NTM: variants seen among roughly 807,000 people sequenced by gnomAD.
The protein encoded by NTM is neurotrimin.
A neutral mutation model predicts 42.1 loss-of-function variants in NTM; 13 were observed. The observed-to-expected ratio is 0.31, with a 90% CI of 0.20 to 0.49. The LOEUF (loss-of-function observed/expected upper bound fraction) is 0.49. Among genes scored for constraint, NTM ranks in the 20% least tolerant of loss-of-function variants. NTM has a pLI of 0.99. For missense variants in NTM, 373 were observed against 452.8 expected (o/e 0.82, Z 1.60); for synonymous variants, 187 against 179.2 (o/e 1.04, Z -0.35).
chr11:131,485,325 T>A (rs1462079851), intron 1 of NTM, among the ~76,000 whole-genome samples: 1 of 152,128 alleles, frequency 6.6e-6, no homozygotes, highest in Non-Finnish European at 1.5e-5. Flanking sequence ...AAATTTGGGA[T>A]CAGTTCCAAG....
intron 1 of NTM, among the ~76,000 whole-genome samples, chr11:131,789,923 T>C (rs1228304959): frequency 2.3e-3 from 265 of 116,072 alleles, no homozygotes; most frequent in Admixed American, 4.0e-3. Flanking sequence ...GCCACTGCAC[T>C]CCAGCCTGGG....
At chr11:131,468,149 T>C (rs1349461336) in intron 1 of NTM, among the ~76,000 whole-genome samples, 2 of 152,208 alleles carry the variant, frequency 1.3e-5, no homozygotes, top group African/African-American at 2.4e-5. Context: ...GTGCACAGCC[T>C]GCCCACTCGC....
intron 1 of NTM, among the ~76,000 whole-genome samples, chr11:131,838,104 T>G (rs1007475740): frequency 6.6e-6 from 1 of 152,072 alleles, no homozygotes; most frequent in Non-Finnish European, 1.5e-5. Flanking sequence ...AGAGATTGGA[T>G]TTTTTTCACA....
chr11:131,524,988 G>A (rs1304349977), intron 1 of NTM, among the ~76,000 whole-genome samples: 1 of 152,154 alleles, frequency 6.6e-6, no homozygotes, highest in African/African-American at 2.4e-5. Flanking sequence ...ACCTGGTACA[G>A]GGGATGCCTG....
chr11:132,078,314 C>G (rs1042591986), intron 2 of NTM, among the ~76,000 whole-genome samples: 8 of 152,222 alleles, frequency 5.3e-5, no homozygotes, highest in Non-Finnish European at 8.8e-5. Flanking sequence ...CTTCGAACCT[C>G]AGCAAATTGG....
chr11:131,964,084 G>T (rs921217744), intron 2 of NTM, among the ~76,000 whole-genome samples: 3 of 152,176 alleles, frequency 2.0e-5, no homozygotes, highest in Non-Finnish European at 2.9e-5. Context: ...CATCTAGGAG[G>T]AGTTTCTAAG....
intron 1 of NTM, among the ~76,000 whole-genome samples, chr11:131,449,681 G>A (rs571935437): frequency 6.6e-6 from 1 of 152,136 alleles, no homozygotes; most frequent in Non-Finnish European, 1.5e-5. Context: ...CCACCAGCTG[G>A]CCCTTCAGAG....
In NTM at chr11:131,712,613, AT is replaced by A. The variant is rs552963623; in HGVS notation, c.83-198938del. Among the ~76,000 whole-genome samples the A allele has an allele frequency of 4.1e-3, 591 of 145,868 alleles. 2 individuals carry two copies. Among genetic ancestry groups the A allele is most frequent in the African/African-American group, 9.5e-3 (380 of 40,186 alleles). On this transcript the variant is annotated intron_variant, in intron 1 of 8. Transcript: ENST00000683400. ...TACATTTTACTCATAGAGACAAGTGATTTTTTTTTTTTTAAGACAGGATCTC... is the reference window on the plus strand; with the variant it reads ...TACATTTTACTCATAGAGACAAGTGATTTTTTTTTTTTAAGACAGGATCTC...
intron 2 of NTM, among the ~76,000 whole-genome samples, chr11:132,019,544 CTT>C (rs1287513851): frequency 6.6e-6 from 1 of 151,928 alleles, no homozygotes; most frequent in African/African-American, 2.4e-5. Context: ...TATATGAACT[CTT>C]TTATCATACT....
chr11:132,057,612 C>T (rs1367266588), intron 2 of NTM, among the ~76,000 whole-genome samples: 1 of 152,162 alleles, frequency 6.6e-6, no homozygotes, highest in African/African-American at 2.4e-5. Flanking sequence ...CTTCTGCATC[C>T]TTAGTGTTTT....
At chr11:132,081,875 G>A (rs2059108957) in intron 2 of NTM, among the ~76,000 whole-genome samples, 1 of 150,210 alleles carries the variant, frequency 6.7e-6, no homozygotes, top group Admixed American at 6.6e-5. Context: ...TCTAGCCTGG[G>A]CAATATAGCA....
At chr11:131,591,907 T>G (rs560943688) in intron 1 of NTM, among the ~76,000 whole-genome samples, 1 of 152,306 alleles carries the variant, frequency 6.6e-6, no homozygotes, top group South Asian at 2.1e-4. Context: ...GAGAAACAGT[T>G]CTTGTGTTAT....
At chr11:131,954,155 C>T (rs1474949511) in intron 2 of NTM, among the ~76,000 whole-genome samples, 1 of 152,210 alleles carries the variant, frequency 6.6e-6, no homozygotes, top group Non-Finnish European at 1.5e-5. Context: ...TGTCTCCTGG[C>T]ACGCGATGTC....
intron 2 of NTM, chr11:131,981,438 G>A (rs2065217983): frequency 1.3e-5 from 2 of 152,162 alleles, no homozygotes; most frequent in African/African-American, 2.4e-5. Context: ...GAGCAGTCTT[G>A]ATGAATCTCT....
intron 1 of NTM, among the ~76,000 whole-genome samples, chr11:131,478,434 G>T (rs1953193597): frequency 6.6e-6 from 1 of 152,132 alleles, no homozygotes; most frequent in Non-Finnish European, 1.5e-5. Flanking sequence ...CTGTCATAGT[G>T]GTTATTACAT....
intron 1 of NTM, among the ~76,000 whole-genome samples, chr11:131,403,877 C>A (rs1325610089): frequency 6.6e-6 from 1 of 152,134 alleles, no homozygotes; most frequent in Non-Finnish European, 1.5e-5. Flanking sequence ...AAAAATATTT[C>A]TCCTCATTTT....
intron 2 of NTM, among the ~76,000 whole-genome samples, chr11:132,088,919 T>C (rs2136377608): frequency 6.6e-6 from 1 of 152,258 alleles, no homozygotes; most frequent in South Asian, 2.1e-4. Flanking sequence ...GATTTTTTTT[T>C]TTTAAGATTT....
intron 4 of NTM, among the ~76,000 whole-genome samples, chr11:132,232,112 G>T (rs745992373): frequency 1.3e-5 from 2 of 152,210 alleles, no homozygotes; most frequent in Non-Finnish European, 2.9e-5. Context: ...CTCTACCTGC[G>T]TCTCGCCTGG....
chr11:131,998,362 G>C (rs1214715741), intron 2 of NTM, among the ~76,000 whole-genome samples: 2 of 152,194 alleles, frequency 1.3e-5, no homozygotes, highest in South Asian at 4.1e-4. Context: ...ATCAGTATCC[G>C]GCATGTGGCA....
Sources: gnomAD v4.1 joint callset for allele counts (sites outside exome capture counted in the v4.1 genomes callset) on GRCh38, gnomAD v4.1.1 for gene constraint, MANE v1.5 for transcripts, NCBI Gene and HGNC (gene_info 2026-07-23, HGNC 2026-07-21) for gene names.